ERBB4: variants seen among roughly 807,000 people sequenced by gnomAD.
ERBB4 encodes the protein erb-b2 receptor tyrosine kinase 4.
In ERBB4, 42 loss-of-function variants were observed where a neutral mutation model predicts 158.0. That is an observed-to-expected ratio of 0.27 (90% CI 0.21 to 0.34). The LOEUF (loss-of-function observed/expected upper bound fraction) is 0.34, where lower values mean the gene tolerates loss of function less well. Ranked by LOEUF, ERBB4 falls within the 10% of genes least tolerant of loss-of-function variation. The pLI is 1.00. For synonymous variants in ERBB4, 583 were observed against 558.7 expected (o/e 1.04, Z -0.61); for missense variants, 1,333 against 1,624.1 (o/e 0.82, Z 3.08).
chr2:211,888,275 A>G (rs1003420262), intron 3 of ERBB4, among the ~76,000 whole-genome samples: 57 of 152,204 alleles, frequency 3.7e-4, no homozygotes, highest in Non-Finnish European at 1.2e-4. Context: ...CATAAGGAAG[A>G]AAACAAGCTC....
At chr2:212,216,044 T>TA (rs1383150593) in intron 1 of ERBB4, among the ~76,000 whole-genome samples, 1 of 151,364 alleles carries the variant, frequency 6.6e-6, no homozygotes, top group Non-Finnish European at 1.5e-5. Flanking sequence ...ACTCAGTTAA[T>TA]AAAAAAAGAT....
At chr2:211,501,019 T>C (rs535018138) in intron 20 of ERBB4, among the ~76,000 whole-genome samples, 19 of 152,132 alleles carry the variant, frequency 1.2e-4, no homozygotes, top group East Asian at 3.9e-4. Flanking sequence ...TGGAAGGCCA[T>C]TGTTTGTTCA....
At chr2:212,025,281 G>A (rs1375698298) in intron 2 of ERBB4, among the ~76,000 whole-genome samples, 1 of 151,750 alleles carries the variant, frequency 6.6e-6, no homozygotes, top group Non-Finnish European at 1.5e-5. Context: ...AAGGTGTTAT[G>A]ATAGTCACCC....
At chr2:211,513,658 G>A (rs1052346238) in intron 20 of ERBB4, among the ~76,000 whole-genome samples, 1 of 152,024 alleles carries the variant, frequency 6.6e-6, no homozygotes, top group Non-Finnish European at 1.5e-5. Flanking sequence ...CAAACCCCAG[G>A]AAAAGAAACT....
At chr2:212,058,187 TAGA>T (rs1363697624) in intron 2 of ERBB4, among the ~76,000 whole-genome samples, 5 of 152,164 alleles carry the variant, frequency 3.3e-5, no homozygotes, top group South Asian at 2.1e-4. Context: ...CTAGAAAATC[TAGA>T]AGAAGTGGAT....
chr2:212,059,011 G>T (rs2077673502), intron 2 of ERBB4, among the ~76,000 whole-genome samples: 1 of 152,148 alleles, frequency 6.6e-6, no homozygotes, highest in Non-Finnish European at 1.5e-5. Context: ...GTCCCTGTTT[G>T]CAGATGACAT....
At chr2:212,136,135 G>T (rs952034955) in intron 1 of ERBB4, among the ~76,000 whole-genome samples, 8 of 152,154 alleles carry the variant, frequency 5.3e-5, no homozygotes, top group Non-Finnish European at 1.2e-4. Flanking sequence ...CAGTGTGTGG[G>T]ATATTTTTCC....
intron 3 of ERBB4, among the ~76,000 whole-genome samples, chr2:211,863,611 G>C (rs1374615801): frequency 6.6e-6 from 1 of 152,138 alleles, no homozygotes; most frequent in Admixed American, 6.5e-5. Flanking sequence ...AGGATCTGCA[G>C]CTTCACTCCT....
chr2:211,937,906 A>G (rs1170819797), intron 3 of ERBB4, among the ~76,000 whole-genome samples: 1 of 152,138 alleles, frequency 6.6e-6, no homozygotes, highest in Non-Finnish European at 1.5e-5. Context: ...TGTGGAAACT[A>G]AAGGTGAAAG....
At chr2:212,444,652 A>G (rs991786996) in intron 1 of ERBB4, among the ~76,000 whole-genome samples, 1 of 152,202 alleles carries the variant, frequency 6.6e-6, no homozygotes, top group Non-Finnish European at 1.5e-5. Context: ...TCATTGCCCA[A>G]TAGGCCCAGG....
intron 2 of ERBB4, among the ~76,000 whole-genome samples, chr2:211,997,181 C>T (rs930331574): frequency 1.5e-4 from 23 of 152,062 alleles, no homozygotes; most frequent in Non-Finnish European, 2.5e-4. Flanking sequence ...TGTCTTTGTC[C>T]TAATATCTAT....
At chr2:211,740,209 T>G (rs182451735) in intron 5 of ERBB4, among the ~76,000 whole-genome samples, 1 of 152,316 alleles carries the variant, frequency 6.6e-6, no homozygotes, top group African/African-American at 2.4e-5. Flanking sequence ...ATAACAAAAT[T>G]CATGGGTAAA....
chr2:212,433,895 C>T (rs950560899), intron 1 of ERBB4, among the ~76,000 whole-genome samples: 4 of 151,906 alleles, frequency 2.6e-5, no homozygotes, highest in African/African-American at 4.8e-5. Context: ...TTTTGTCATG[C>T]ACTCTAATAG....
At chr2:212,191,824 T>TGC (rs1419292475) in intron 1 of ERBB4, among the ~76,000 whole-genome samples, 3 of 135,158 alleles carry the variant, frequency 2.2e-5, no homozygotes, top group Non-Finnish European at 4.8e-5. Flanking sequence ...GTTATATATG[T>TGC]TCTATGTTAT....
intron 2 of ERBB4, among the ~76,000 whole-genome samples, chr2:211,977,049 G>C (rs1374799080): frequency 7.2e-5 from 11 of 152,130 alleles, no homozygotes; most frequent in African/African-American, 2.7e-4. Context: ...CAATCAAGAA[G>C]AAAGGGAAGA....
At chr2:212,497,178 C>CA (rs397987683) in intron 1 of ERBB4, among the ~76,000 whole-genome samples, 1,855 of 64,008 alleles carry the variant, frequency 0.029, 47 homozygotes, top group East Asian at 0.22. Context: ...AACTCCATCT[C>CA]AAAAAAAAAA....
intron 1 of ERBB4, among the ~76,000 whole-genome samples, chr2:212,178,520 C>A (rs558618808): frequency 1.9e-4 from 29 of 151,806 alleles, no homozygotes; most frequent in South Asian, 1.0e-3. Flanking sequence ...GTTTCAGTAA[C>A]TTTTATAATT....
At chr2:212,303,332 G>C (rs1188887365) in intron 1 of ERBB4, among the ~76,000 whole-genome samples, 6 of 146,934 alleles carry the variant, frequency 4.1e-5, no homozygotes, top group Non-Finnish European at 7.6e-5. Flanking sequence ...ATGTATATTT[G>C]ATTATACCCT....
chr2:211,673,773 C>T lies in ERBB4; in HGVS notation c.1623-516G>A, dbSNP rs548691586. ...AATTTCAAAAACTACTTTGATTCCT[C>T]TTCTCCTTTTAAAATATCTGCCTTG... On this transcript the variant is annotated intron_variant, in intron 13 of 27. Transcript: ENST00000342788. 3.9e-5 allele frequency among the ~76,000 whole-genome samples: 6 copies of T among 152,200 alleles called. No homozygotes were observed. In the South Asian group the frequency reaches 1.2e-3, roughly 32 times the overall value.
Sources: gnomAD v4.1 joint callset for allele counts (sites outside exome capture counted in the v4.1 genomes callset) on GRCh38, gnomAD v4.1.1 for gene constraint, MANE v1.5 for transcripts, NCBI Gene and HGNC (gene_info 2026-07-23, HGNC 2026-07-21) for gene names.